IMMP2L: variants seen among roughly 807,000 people sequenced by gnomAD.
IMMP2L encodes the protein inner mitochondrial membrane peptidase subunit 2.
Under a neutral mutation model 19.3 loss-of-function variants are expected in IMMP2L, and 18 were observed. The ratio of observed to expected loss-of-function variants is 0.93; its 90% confidence interval spans 0.64 to 1.38. IMMP2L has a LOEUF of 1.38. Among genes scored for constraint, IMMP2L ranks in the 40% most tolerant of loss-of-function variants. The pLI is 0.00. For synonymous variants in IMMP2L, 76 were observed against 73.0 expected (o/e 1.04, Z -0.21); for missense variants, 233 against 218.2 (o/e 1.07, Z -0.43).
intron 5 of IMMP2L, among the ~76,000 whole-genome samples, chr7:110,773,434 T>C (rs1799169411): frequency 6.6e-6 from 1 of 152,064 alleles, no homozygotes. Flanking sequence ...AGCATCTCAA[T>C]CTAATATTAT....
intron 3 of IMMP2L, among the ~76,000 whole-genome samples, chr7:111,233,293 T>C (rs1813919928): frequency 6.6e-6 from 1 of 152,142 alleles, no homozygotes; most frequent in African/African-American, 2.4e-5. Flanking sequence ...TAAATACTTT[T>C]TGTATATAAA....
chr7:111,524,441 T>G (rs1236489562), intron 1 of IMMP2L, among the ~76,000 whole-genome samples: 1 of 152,168 alleles, frequency 6.6e-6, no homozygotes, highest in South Asian at 2.1e-4. Context: ...TTATTTTAAG[T>G]GGTCTACACT....
At chr7:111,263,538 G>C (rs1817535614) in intron 3 of IMMP2L, among the ~76,000 whole-genome samples, 1 of 152,112 alleles carries the variant, frequency 6.6e-6, no homozygotes, top group African/African-American at 2.4e-5. Flanking sequence ...TCGAAATGCT[G>C]ATGAGAAGGG....
chr7:111,021,307 T>C (rs1322289729), intron 3 of IMMP2L, among the ~76,000 whole-genome samples: 1 of 152,234 alleles, frequency 6.6e-6, no homozygotes, highest in Non-Finnish European at 1.5e-5. Context: ...TATTTTCTCA[T>C]AAGCCTCAGA....
At chr7:111,264,393 CA>C (rs2129931133) in intron 3 of IMMP2L, among the ~76,000 whole-genome samples, 1 of 152,254 alleles carries the variant, frequency 6.6e-6, no homozygotes, top group East Asian at 1.9e-4. Context: ...ATTTCCAAAT[CA>C]GACATTTCTG....
chr7:111,443,400 G>C (rs1024645269), intron 3 of IMMP2L, among the ~76,000 whole-genome samples: 1 of 152,166 alleles, frequency 6.6e-6, no homozygotes, highest in Non-Finnish European at 1.5e-5. Flanking sequence ...TGAGTGGGCT[G>C]GTTAAGGATG....
At chr7:111,327,088 C>T (rs192456131) in intron 3 of IMMP2L, among the ~76,000 whole-genome samples, 4 of 151,834 alleles carry the variant, frequency 2.6e-5, no homozygotes, top group East Asian at 3.9e-4. Context: ...ATCCTGCCAG[C>T]ATAGATAAAC....
chr7:110,936,733 A>G (rs978026569), intron 4 of IMMP2L, among the ~76,000 whole-genome samples: 2 of 152,030 alleles, frequency 1.3e-5, no homozygotes, highest in South Asian at 2.1e-4. Context: ...TCATTCTACT[A>G]TAAAGACACA....
chr7:110,804,968 A>G (rs886567364), intron 5 of IMMP2L, among the ~76,000 whole-genome samples: 2 of 152,114 alleles, frequency 1.3e-5, no homozygotes, highest in African/African-American at 4.8e-5. Context: ...GCTAGGTTAC[A>G]GGAAAACTCC....
chr7:110,938,158 C>G (rs1490947286), intron 4 of IMMP2L, among the ~76,000 whole-genome samples: 1 of 152,076 alleles, frequency 6.6e-6, no homozygotes, highest in East Asian at 1.9e-4. Flanking sequence ...GGCAAAACAA[C>G]TTAATAGGAT....
At chr7:111,515,139 A>T (rs1049558396) in intron 2 of IMMP2L, among the ~76,000 whole-genome samples, 2 of 152,082 alleles carry the variant, frequency 1.3e-5, no homozygotes, top group Non-Finnish European at 1.5e-5. Flanking sequence ...ATCAAACTTT[A>T]TCTTTGGGAT....
intron 3 of IMMP2L, among the ~76,000 whole-genome samples, chr7:111,456,928 T>TAC (rs1259314099): frequency 1.6e-5 from 1 of 62,310 alleles, no homozygotes; most frequent in Non-Finnish European, 3.1e-5. Flanking sequence ...GAGCAATTCT[T>TAC]ACAGTAACAG....
At chr7:110,907,054 T>G (rs1812534541) in intron 4 of IMMP2L, among the ~76,000 whole-genome samples, 1 of 147,490 alleles carries the variant, frequency 6.8e-6, no homozygotes. Context: ...GCAAGGGCAG[T>G]GGGGGGGATG....
intron 3 of IMMP2L, among the ~76,000 whole-genome samples, chr7:111,357,543 G>A (rs1483064569): frequency 6.6e-6 from 1 of 151,940 alleles, no homozygotes; most frequent in African/African-American, 2.4e-5. Flanking sequence ...TTCAGATGCT[G>A]GTCTGTCCTT....
intron 5 of IMMP2L, among the ~76,000 whole-genome samples, chr7:110,814,935 A>G (rs966833204): frequency 3.3e-5 from 5 of 151,984 alleles, no homozygotes; most frequent in African/African-American, 1.2e-4. Flanking sequence ...AACACATGGT[A>G]GTTTTCTTTT....
At chr7:110,799,801 T>C (rs1424097169) in intron 5 of IMMP2L, among the ~76,000 whole-genome samples, 1 of 152,066 alleles carries the variant, frequency 6.6e-6, no homozygotes, top group Non-Finnish European at 1.5e-5. Context: ...GCAATATCGA[T>C]GGTTTTGTCT....
At chr7:111,036,089 T>G (rs1791319751) in intron 3 of IMMP2L, among the ~76,000 whole-genome samples, 1 of 152,216 alleles carries the variant, frequency 6.6e-6, no homozygotes, top group African/African-American at 2.4e-5. Flanking sequence ...CTCATATTAT[T>G]CCTTCTTTGC....
intron 3 of IMMP2L, among the ~76,000 whole-genome samples, chr7:111,194,820 G>A (rs527591258): frequency 1.3e-5 from 2 of 152,150 alleles, no homozygotes; most frequent in Non-Finnish European, 1.5e-5. Flanking sequence ...TACTTACCAA[G>A]ACCATATCTA....
At chr7:110,956,896 G>A (rs931516243) in intron 4 of IMMP2L, among the ~76,000 whole-genome samples, 3 of 151,928 alleles carry the variant, frequency 2.0e-5, no homozygotes, top group Non-Finnish European at 4.4e-5. Context: ...TGACTTGCTG[G>A]AGTTTAGTGC....
Sources: gnomAD v4.1 joint callset for allele counts (sites outside exome capture counted in the v4.1 genomes callset) on GRCh38, gnomAD v4.1.1 for gene constraint, MANE v1.5 for transcripts, NCBI Gene and HGNC (gene_info 2026-07-23, HGNC 2026-07-21) for gene names.